The following CMC1 variants were observed in gnomAD, a reference collection of about 807,000 sequenced individuals.
CMC1 encodes C-X9-C motif containing 1.
A neutral mutation model predicts 14.1 loss-of-function variants in CMC1; 14 were observed. The observed-to-expected ratio is 0.99, with a 90% CI of 0.66 to 1.55. CMC1 has a LOEUF of 1.55. Among genes scored for constraint, CMC1 ranks in the 40% most tolerant of loss-of-function variants. The pLI, the probability that CMC1 is intolerant of heterozygous loss-of-function variation, is 0.00. For synonymous variants in CMC1, 50 were observed against 38.4 expected (o/e 1.30, Z -1.12); for missense variants, 127 against 123.8 (o/e 1.03, Z -0.12).
At chr3:28,293,887 T>C (rs534071047) in intron 2 of CMC1, among the ~76,000 whole-genome samples, 13 of 152,164 alleles carry the variant, frequency 8.5e-5, no homozygotes, top group Non-Finnish European at 1.9e-4. Context: ...TGGCTAAAAG[T>C]ATTCTTTTTT....
chr3:28,291,955 G>A (rs1577059492), intron 2 of CMC1: 1 of 152,102 alleles, frequency 6.6e-6, no homozygotes, highest in African/African-American at 2.4e-5. Flanking sequence ...TCCTTTGAAG[G>A]TGGGTAAAGG....
chr3:28,304,849 C>T (rs1188859546), intron 2 of CMC1, among the ~76,000 whole-genome samples: 3 of 152,130 alleles, frequency 2.0e-5, no homozygotes, highest in East Asian at 1.9e-4. Flanking sequence ...AACTGCTTAT[C>T]ATGAACCTGG....
chr3:28,256,979 T>C (rs1258839969), intron 1 of CMC1, among the ~76,000 whole-genome samples: 1 of 152,144 alleles, frequency 6.6e-6, no homozygotes, highest in Non-Finnish European at 1.5e-5. Flanking sequence ...AGTAAATAAT[T>C]ACAACAGGTT....
intron 2 of CMC1, among the ~76,000 whole-genome samples, chr3:28,309,463 G>A (rs1461841481): frequency 6.6e-6 from 1 of 151,916 alleles, no homozygotes; most frequent in Non-Finnish European, 1.5e-5. Context: ...GAAAATTAGG[G>A]GTTATCCTTG....
chr3:28,317,295 A>G (rs1031090584), intron 3 of CMC1: 3 of 151,992 alleles, frequency 2.0e-5, no homozygotes, highest in East Asian at 1.9e-4. Context: ...ACTCATCTCT[A>G]TATTTGCTAT....
chr3:28,264,435 A>G (rs1483385987), intron 2 of CMC1, among the ~76,000 whole-genome samples: 1 of 152,220 alleles, frequency 6.6e-6, no homozygotes. Context: ...TTTGGAATCA[A>G]CAATGTGTGA....
In CMC1 at chr3:28,325,017, A is replaced by G. The variant is rs1158121499; in HGVS notation, c.*5388A>G. On this transcript the variant is annotated 3_prime_UTR_variant, in exon 4 of 4. Coordinates refer to ENST00000466830, the MANE Select transcript of CMC1 (RefSeq NM_182523.2). Reference sequence around the variant, plus strand: ...GGTGAGACCCAAATGAAGTTTTTATATATCAAAGGCTTTTATGGATAAAGC... The same window carrying G: ...GGTGAGACCCAAATGAAGTTTTTATGTATCAAAGGCTTTTATGGATAAAGC... 2.7e-5 allele frequency: 4 copies of G among 150,764 alleles called. No homozygotes were observed. The highest frequency in any genetic ancestry group is 3.0e-5 in the Non-Finnish European group (2 of 67,262). The allele number at this position is 150,764 out of a possible 1,614,324, so 9.3% of individuals were successfully genotyped here.
chr3:28,302,895 A>G (rs1057224987), intron 2 of CMC1, among the ~76,000 whole-genome samples: 4 of 152,140 alleles, frequency 2.6e-5, no homozygotes, highest in Admixed American at 2.6e-4. Context: ...GGGCATGGAA[A>G]TTTCTGCCAA....
intron 2 of CMC1, among the ~76,000 whole-genome samples, chr3:28,308,798 C>A (rs576782408): frequency 6.6e-6 from 1 of 152,188 alleles, no homozygotes; most frequent in Non-Finnish European, 1.5e-5. Context: ...TCCTGGCCAA[C>A]ATGGTGAAAC....
chr3:28,321,808 T>A lies in CMC1; in HGVS notation c.*2179T>A, dbSNP rs963535699. 1 of 151,380 alleles carries A rather than the reference T, an allele frequency of 6.6e-6. No homozygotes were observed. Among genetic ancestry groups the A allele is most frequent in the Middle Eastern group, 3.2e-3 (1 of 316 alleles). 9.4% of individuals were successfully genotyped at this position (151,380 alleles called of 1,614,324 possible). A position where few individuals can be genotyped will look rare whatever the true frequency, so the allele number is the denominator to read the frequency against. ...GCAGCAACTCAGTAAGTCTTACAGATGTAAATTTTACTTTAGCTAATAAGG... is the reference window on the plus strand; with the variant it reads ...GCAGCAACTCAGTAAGTCTTACAGAAGTAAATTTTACTTTAGCTAATAAGG... On this transcript the variant is annotated 3_prime_UTR_variant, in exon 4 of 4. Transcript: ENST00000466830.
intron 2 of CMC1, among the ~76,000 whole-genome samples, chr3:28,303,382 A>G (rs1031941526): frequency 6.6e-6 from 1 of 152,156 alleles, no homozygotes; most frequent in Non-Finnish European, 1.5e-5. Flanking sequence ...TAGTGTTTTA[A>G]CTGCTTCTTG....
At chr3:28,301,360 C>T (rs1702038098) in intron 2 of CMC1, among the ~76,000 whole-genome samples, 1 of 152,048 alleles carries the variant, frequency 6.6e-6, no homozygotes, top group Non-Finnish European at 1.5e-5. Flanking sequence ...AACAGTACTA[C>T]ATGCGTGTGC....
At chr3:28,289,170 A>G (rs1383387825) in intron 2 of CMC1, among the ~76,000 whole-genome samples, 1 of 151,710 alleles carries the variant, frequency 6.6e-6, no homozygotes, top group Non-Finnish European at 1.5e-5. Flanking sequence ...ATTTAGAGTT[A>G]TGTTTCAATA....
rs149277555 is a variant in CMC1, at chr3:28,296,936, T to G, written c.110-19397T>G. ...CTTGAATTTTGTGCTGCCTTTCTAG[T>G]AGCCTGTGGTGAGCCCTTCCACCTT... On this transcript the variant is annotated intron_variant, in intron 2 of 3. Transcript: ENST00000466830. Among the ~76,000 whole-genome samples, 4 of 152,260 alleles carry G rather than the reference T, an allele frequency of 2.6e-5. No homozygotes were observed. In the East Asian group the frequency reaches 7.7e-4, roughly 29 times the overall value.
chr3:28,281,151 T>G (rs1700872457), intron 2 of CMC1, among the ~76,000 whole-genome samples: 1 of 152,014 alleles, frequency 6.6e-6, no homozygotes, highest in African/African-American at 2.4e-5. Context: ...TTATGAATAC[T>G]TACCATGTAT....
At chr3:28,312,506 G>C (rs1019837570) in intron 2 of CMC1, among the ~76,000 whole-genome samples, 1 of 152,276 alleles carries the variant, frequency 6.6e-6, no homozygotes, top group East Asian at 1.9e-4. Context: ...TGAACTATCT[G>C]CTATTTCTAG....
At chr3:28,255,837 T>G (rs1036895467) in intron 1 of CMC1, among the ~76,000 whole-genome samples, 6 of 151,636 alleles carry the variant, frequency 4.0e-5, no homozygotes, top group Non-Finnish European at 7.4e-5. Context: ...ACATAGGCAA[T>G]GAAAATTAGA....
chr3:28,293,307 CTT>C (rs368066751), intron 2 of CMC1, among the ~76,000 whole-genome samples: 3 of 139,936 alleles, frequency 2.1e-5, no homozygotes, highest in Non-Finnish European at 3.1e-5. Flanking sequence ...AATAGAGGGA[CTT>C]TTTTTTTTTT....
intron 2 of CMC1, among the ~76,000 whole-genome samples, chr3:28,284,239 T>G (rs1172204847): frequency 6.6e-6 from 1 of 152,220 alleles, no homozygotes; most frequent in Non-Finnish European, 1.5e-5. Flanking sequence ...TATTTACTGC[T>G]TCCGTGATTA....
Sources: allele counts gnomAD v4.1 joint callset (sites outside exome capture counted in the v4.1 genomes callset), GRCh38; gene constraint gnomAD v4.1.1; transcripts MANE v1.5; gene names NCBI Gene and HGNC (gene_info 2026-07-23, HGNC 2026-07-21).